The following NFATC1 variants were observed in gnomAD, a reference collection of about 807,000 sequenced individuals.
NFATC1 encodes the protein nuclear factor of activated T cells 1.
In NFATC1, 22 loss-of-function variants were observed where a neutral mutation model predicts 76.0. The observed-to-expected ratio is 0.29, with a 90% confidence interval of 0.21 to 0.41. NFATC1 has a LOEUF of 0.41. NFATC1 is among the 10% of genes least tolerant of loss of function. The pLI, the probability that NFATC1 is intolerant of heterozygous loss-of-function variation, is 1.00. For missense variants in NFATC1, 1,357 were observed against 1,337.7 expected (o/e 1.01, Z -0.23); for synonymous variants, 704 against 613.1 (o/e 1.15, Z -2.19).
intron 8 of NFATC1, among the ~76,000 whole-genome samples, chr18:79,476,976 G>T (rs952090052): frequency 2.6e-5 from 4 of 152,244 alleles, no homozygotes; most frequent in African/African-American, 9.6e-5. Context: ...ATGGAGTTCG[G>T]AAGGACCCTT....
chr18:79,480,459 C>T (rs559817977), intron 8 of NFATC1, among the ~76,000 whole-genome samples: 19 of 152,234 alleles, frequency 1.2e-4, no homozygotes, highest in African/African-American at 2.6e-4. Flanking sequence ...GCAGCCCGTG[C>T]GTCCCGATGC....
At chr18:79,517,171 G>A (rs182650704) in intron 9 of NFATC1, among the ~76,000 whole-genome samples, 2 of 152,276 alleles carry the variant, frequency 1.3e-5, no homozygotes, top group Admixed American at 1.3e-4. Flanking sequence ...ATAGGATTTG[G>A]CCTGAGATAT....
chr18:79,476,746 C>T (rs2089088802), intron 8 of NFATC1, among the ~76,000 whole-genome samples: 1 of 152,226 alleles, frequency 6.6e-6, no homozygotes, highest in South Asian at 2.1e-4. Context: ...ACAAAAGCAT[C>T]TGGGCCCGTC....
intron 9 of NFATC1, among the ~76,000 whole-genome samples, chr18:79,500,977 T>G (rs571952817): frequency 3.5e-4 from 53 of 152,276 alleles, no homozygotes; most frequent in African/African-American, 1.2e-3. Flanking sequence ...AAGGAACACT[T>G]CTAATACTGA....
chr18:79,456,297 C>T (rs2087722518), intron 6 of NFATC1, among the ~76,000 whole-genome samples: 1 of 152,242 alleles, frequency 6.6e-6, no homozygotes, highest in African/African-American at 2.4e-5. Context: ...AGGCAGAGGC[C>T]ATGTCATCCA....
intron 9 of NFATC1, among the ~76,000 whole-genome samples, chr18:79,498,678 A>T (rs1285441282): frequency 6.6e-6 from 1 of 152,192 alleles, no homozygotes; most frequent in African/African-American, 2.4e-5. Flanking sequence ...AATGGTTCAC[A>T]AAATTCAAAT....
chr18:79,430,339 T>G (rs1429970081), intron 2 of NFATC1, among the ~76,000 whole-genome samples: 1 of 152,222 alleles, frequency 6.6e-6, no homozygotes, highest in Non-Finnish European at 1.5e-5. Flanking sequence ...CTCTTAACTT[T>G]CCTGGGAATC....
At chr18:79,433,865 C>G (rs1424226964) in intron 3 of NFATC1, 127 bp downstream of exon 3, 5 of 1,207,916 alleles carry the variant, frequency 4.1e-6, no homozygotes, top group Non-Finnish European at 5.6e-6. Flanking sequence ...CGTGGTTAGT[C>G]CCGGGCGGCT....
Position 79,421,694 on chromosome 18 carries a change from G to A in NFATC1, c.1226+10193G>A, listed in dbSNP as rs1470649195. On this transcript the variant is annotated intron_variant, in intron 2 of 9. Transcript: ENST00000427363. ...GGCCTCCAGGAGTCAGCTGCAAGGC[G>A]GAGTCCCTGTCCACAAGCTGCGTTG... 7 of 152,346 alleles carry A rather than the reference G, an allele frequency of 4.6e-5. No homozygotes were observed. In the East Asian group the frequency reaches 9.6e-4, roughly 21 times the overall value. 9.4% of individuals were successfully genotyped at this position (152,346 alleles called of 1,614,324 possible).
chr18:79,399,106 G>A (rs1363217173), intron 1 of NFATC1, among the ~76,000 whole-genome samples: 1 of 152,236 alleles, frequency 6.6e-6, no homozygotes, highest in African/African-American at 2.4e-5. Flanking sequence ...AGAATGAAAC[G>A]TTGTGGCTTC....
intron 8 of NFATC1, chr18:79,467,785 TG>T: frequency 4.5e-6 from 1 of 223,730 alleles, no homozygotes; most frequent in Non-Finnish European, 6.1e-6. Context: ...TGATCCCTGT[TG>T]GGGGTGGGGG....
At chr18:79,455,666 C>T (rs1022131974) in intron 6 of NFATC1, among the ~76,000 whole-genome samples, 1 of 152,168 alleles carries the variant, frequency 6.6e-6, no homozygotes, top group Non-Finnish European at 1.5e-5. Flanking sequence ...CCAGCACATC[C>T]AGAGCCCTCC....
chr18:79,464,662 G>T (rs747857569), intron 7 of NFATC1, among the ~76,000 whole-genome samples: 3 of 120,714 alleles, frequency 2.5e-5, no homozygotes, highest in Non-Finnish European at 5.1e-5. Flanking sequence ...GTGTGTGTGT[G>T]TGTGTGTGTA....
At chr18:79,516,895 A>T (rs1444463036) in intron 9 of NFATC1, among the ~76,000 whole-genome samples, 2 of 152,226 alleles carry the variant, frequency 1.3e-5, no homozygotes, top group Non-Finnish European at 2.9e-5. Flanking sequence ...AATACCTTAA[A>T]TGAGAGCCAT....
intron 8 of NFATC1, among the ~76,000 whole-genome samples, chr18:79,478,883 G>A (rs1001052983): frequency 5.9e-5 from 9 of 152,232 alleles, no homozygotes; most frequent in South Asian, 2.1e-4. Flanking sequence ...TGCCTTCCAC[G>A]GAGGATGCAA....
chr18:79,474,855 CTGAGGGAAGCGTGTTCTCACGCTCACT>C (rs2088980816), intron 8 of NFATC1, among the ~76,000 whole-genome samples: 1 of 139,474 alleles, frequency 7.2e-6, no homozygotes, highest in Non-Finnish European at 1.5e-5. Flanking sequence ...CAACGTAAAC[CTGAGGGAAGCGTGTTCTCACGCTCACT>C]GTCGACGTTG....
intron 9 of NFATC1, among the ~76,000 whole-genome samples, chr18:79,499,720 T>C (rs1398300339): frequency 6.6e-6 from 1 of 151,968 alleles, no homozygotes; most frequent in East Asian, 1.9e-4. Flanking sequence ...AAAAGAGATA[T>C]GGAGATAATG....
rs1033440826 is a variant in NFATC1, at chr18:79,467,181, G to A, written c.1960-269G>A. Reference sequence around the variant, plus strand: ...CAAGGGCAGCCCCTTCCCTGTGAGCGTGCGTGTCCACACGCGTGTGCAGGT... The same window carrying A: ...CAAGGGCAGCCCCTTCCCTGTGAGCATGCGTGTCCACACGCGTGTGCAGGT... On this transcript the variant is annotated intron_variant, in intron 7 of 9. Transcript: ENST00000427363. Among the ~76,000 whole-genome samples the A allele has an allele frequency of 5.3e-5, 8 of 152,228 alleles. No homozygotes were observed. In the South Asian group the frequency reaches 6.2e-4, roughly 12 times the overall value.
chr18:79,416,874 C>T (rs1375445945), intron 2 of NFATC1, among the ~76,000 whole-genome samples: 3 of 152,224 alleles, frequency 2.0e-5, no homozygotes, highest in South Asian at 4.1e-4. Flanking sequence ...GCTAGACAAG[C>T]CTCAGCTGGC....
Sources: gnomAD v4.1 joint callset for allele counts (sites outside exome capture counted in the v4.1 genomes callset) on GRCh38, gnomAD v4.1.1 for gene constraint, MANE v1.5 for transcripts, NCBI Gene and HGNC (gene_info 2026-07-23, HGNC 2026-07-21) for gene names.